Variants in ITPR2 observed in about 807,000 individuals in gnomAD.
ITPR2 encodes the protein inositol 1,4,5-trisphosphate receptor type 2.
A neutral mutation model predicts 317.1 loss-of-function variants in ITPR2; 207 were observed. The observed-to-expected ratio is 0.65, with a 90% CI of 0.58 to 0.73. ITPR2 has a LOEUF of 0.73. Ranked by LOEUF, ITPR2 falls within the 30% of genes least tolerant of loss-of-function variation. The probability of loss-of-function intolerance (pLI) is 0.00; values close to 1 mark genes in which losing one functional copy is unlikely to be tolerated. For missense variants in ITPR2, 2,613 were observed against 3,284.0 expected (o/e 0.80, Z 4.99); for synonymous variants, 1,156 against 1,149.1 (o/e 1.01, Z -0.12).
chr12:26,691,972 T>A (rs1948249719), intron 10 of ITPR2, among the ~76,000 whole-genome samples: 1 of 152,128 alleles, frequency 6.6e-6, no homozygotes, highest in South Asian at 2.1e-4. Context: ...AAACTGCTAC[T>A]CTCCAATTAA....
intron 10 of ITPR2, among the ~76,000 whole-genome samples, chr12:26,688,942 A>G (rs1453497258): frequency 6.6e-6 from 1 of 152,190 alleles, no homozygotes; most frequent in Non-Finnish European, 1.5e-5. Flanking sequence ...TCAATAATAT[A>G]CATGAATAAC....
chr12:26,568,088 C>A (rs1374374999), intron 34 of ITPR2, among the ~76,000 whole-genome samples: 7 of 146,376 alleles, frequency 4.8e-5, no homozygotes, highest in Admixed American at 4.1e-4. Flanking sequence ...ATTCTCTGCC[C>A]CATCTGTCTC....
At chr12:26,461,627 A>AATATATATAT (rs754482854) in intron 45 of ITPR2, among the ~76,000 whole-genome samples, 10 of 48,724 alleles carry the variant, frequency 2.1e-4, no homozygotes, top group East Asian at 8.1e-4. Context: ...AAAGCATATA[A>AATATATATAT]ATATATATAT....
intron 45 of ITPR2, among the ~76,000 whole-genome samples, chr12:26,446,801 AT>A (rs1270497586): frequency 2.0e-5 from 3 of 150,778 alleles, no homozygotes; most frequent in Non-Finnish European, 3.0e-5. Flanking sequence ...CAATATTTTC[AT>A]TCATGATTAG....
intron 55 of ITPR2, among the ~76,000 whole-genome samples, chr12:26,355,417 C>CTAAG (rs10666486): frequency 0.97 from 148,185 of 152,238 alleles, 72,230 homozygotes; most frequent in South Asian, 1. Flanking sequence ...TCTGGACCAA[C>CTAAG]TAAGAATGAA....
At chr12:26,706,740 G>A (rs540104388) in intron 9 of ITPR2, among the ~76,000 whole-genome samples, 6 of 152,074 alleles carry the variant, frequency 3.9e-5, no homozygotes, top group African/African-American at 1.4e-4. Context: ...TCCCAGCCTC[G>A]AGGTAGCTAC....
chr12:26,736,152 G>C (rs1485724276), intron 2 of ITPR2, among the ~76,000 whole-genome samples: 1 of 152,038 alleles, frequency 6.6e-6, no homozygotes, highest in Non-Finnish European at 1.5e-5. Context: ...TTGCGGGGTG[G>C]GGGGAGGTCT....
intron 1 of ITPR2, among the ~76,000 whole-genome samples, chr12:26,820,743 T>C (rs1269630403): frequency 6.6e-6 from 1 of 152,210 alleles, no homozygotes; most frequent in African/African-American, 2.4e-5. Context: ...TATCAACTGA[T>C]GAATGGATAA....
intron 46 of ITPR2, 113 bp downstream of exon 46, chr12:26,443,430 A>T: frequency 4.1e-6 from 3 of 726,544 alleles, no homozygotes; most frequent in Non-Finnish European, 6.7e-6. Context: ...TTTTCAGTTT[A>T]AACCACTCAC....
intron 54 of ITPR2, among the ~76,000 whole-genome samples, chr12:26,391,556 C>CTTTTTTTT (rs1555117374): frequency 6.1e-5 from 6 of 98,598 alleles, no homozygotes; most frequent in African/African-American, 1.3e-4. Context: ...TCTTCTTTTC[C>CTTTTTTTT]TTTTTTTTTT....
chr12:26,701,596 T>C (rs907344981), intron 9 of ITPR2, among the ~76,000 whole-genome samples: 41 of 152,338 alleles, frequency 2.7e-4, no homozygotes, highest in African/African-American at 9.9e-4. Flanking sequence ...GCTGTATTTA[T>C]GTATACATAT....
At chr12:26,372,855 G>C (rs1307023372) in intron 55 of ITPR2, among the ~76,000 whole-genome samples, 1 of 152,168 alleles carries the variant, frequency 6.6e-6, no homozygotes, top group African/African-American at 2.4e-5. Flanking sequence ...TTCAGCATAG[G>C]TGTAGCCTGA....
intron 5 of ITPR2, among the ~76,000 whole-genome samples, chr12:26,719,967 A>C (rs532349827): frequency 6.6e-6 from 1 of 152,320 alleles, no homozygotes; most frequent in East Asian, 1.9e-4. Context: ...CTATTCAACC[A>C]TGGGAAGATA....
intron 43 of ITPR2, among the ~76,000 whole-genome samples, chr12:26,479,952 C>T (rs1486317384): frequency 3.3e-5 from 5 of 152,114 alleles, no homozygotes; most frequent in Non-Finnish European, 7.4e-5. Flanking sequence ...TACTAAGAGC[C>T]TTTAGCACAA....
intron 32 of ITPR2, among the ~76,000 whole-genome samples, chr12:26,580,902 T>C (rs925000501): frequency 2.0e-5 from 3 of 152,102 alleles, no homozygotes; most frequent in African/African-American, 7.2e-5. Context: ...TTGCAAAAGC[T>C]AAGATACCTA....
intron 51 of ITPR2, among the ~76,000 whole-genome samples, chr12:26,413,791 C>CA (rs1031201651): frequency 2.6e-5 from 4 of 151,082 alleles, no homozygotes; most frequent in African/African-American, 9.7e-5. Flanking sequence ...TTGTAAAAAA[C>CA]AAAAAAAGAA....
chr12:26,351,091 G>T (rs750804884), intron 55 of ITPR2, among the ~76,000 whole-genome samples: 2 of 152,190 alleles, frequency 1.3e-5, no homozygotes, highest in African/African-American at 2.4e-5. Context: ...GGCAGTAACC[G>T]GGAACATGAA....
chr12:26,735,237 G>C (rs993441318), intron 2 of ITPR2, among the ~76,000 whole-genome samples: 1 of 152,104 alleles, frequency 6.6e-6, no homozygotes, highest in Non-Finnish European at 1.5e-5. Flanking sequence ...CCTGACCTCA[G>C]GTTATCTGCC....
chr12:26,630,925 G>A (rs1946737959), intron 22 of ITPR2, among the ~76,000 whole-genome samples: 1 of 152,106 alleles, frequency 6.6e-6, no homozygotes, highest in East Asian at 1.9e-4. Context: ...ACAGCATTGG[G>A]AGGCCTGCCA....
Sources: gnomAD v4.1 joint callset for allele counts (sites outside exome capture counted in the v4.1 genomes callset) on GRCh38, gnomAD v4.1.1 for gene constraint, MANE v1.5 for transcripts, NCBI Gene and HGNC (gene_info 2026-07-23, HGNC 2026-07-21) for gene names.